PHKB: variants seen among roughly 807,000 people sequenced by gnomAD.
The protein encoded by PHKB is phosphorylase b kinase regulatory subunit beta.
A neutral mutation model predicts 152.1 loss-of-function variants in PHKB; 122 were observed. That is an observed-to-expected ratio of 0.80 (90% CI 0.69 to 0.93). The LOEUF (loss-of-function observed/expected upper bound fraction) is 0.93, where lower values mean the gene tolerates loss of function less well. Ranked by LOEUF, PHKB falls within the 40% of genes least tolerant of loss-of-function variation. The pLI is 0.00. For synonymous variants in PHKB, 436 were observed against 464.9 expected (o/e 0.94, Z 0.80); for missense variants, 1,304 against 1,328.4 (o/e 0.98, Z 0.29).
At chr16:47,508,523 GAGA>G (rs1970457740) in intron 4 of PHKB, among the ~76,000 whole-genome samples, 1 of 151,980 alleles carries the variant, frequency 6.6e-6, no homozygotes, top group South Asian at 2.1e-4. Flanking sequence ...ATTCCCTTAT[GAGA>G]AGATTTTTTT....
intron 1 of PHKB, among the ~76,000 whole-genome samples, chr16:47,487,292 C>G (rs1290977340): frequency 1.3e-5 from 2 of 152,108 alleles, no homozygotes; most frequent in Admixed American, 6.5e-5. Flanking sequence ...CCATAAAGCT[C>G]TATTATCTAA....
At chr16:47,577,676 T>G (rs1483367793) in intron 7 of PHKB, among the ~76,000 whole-genome samples, 1 of 152,176 alleles carries the variant, frequency 6.6e-6, no homozygotes, top group Non-Finnish European at 1.5e-5. Flanking sequence ...CTGGAAACTC[T>G]TGTGCCACAT....
intron 4 of PHKB, among the ~76,000 whole-genome samples, chr16:47,504,225 T>C (rs1970372696): frequency 6.6e-6 from 1 of 152,206 alleles, no homozygotes; most frequent in Non-Finnish European, 1.5e-5. Flanking sequence ...CAGATGCACT[T>C]CATTCCCCCA....
At chr16:47,472,643 C>T (rs1460803122) in intron 1 of PHKB, among the ~76,000 whole-genome samples, 1 of 152,010 alleles carries the variant, frequency 6.6e-6, no homozygotes, top group Non-Finnish European at 1.5e-5. Flanking sequence ...GTTAGCGAGG[C>T]GTGGTGGTGG....
intron 1 of PHKB, among the ~76,000 whole-genome samples, chr16:47,487,603 A>G (rs2151636859): frequency 6.6e-6 from 1 of 152,028 alleles, no homozygotes; most frequent in African/African-American, 2.4e-5. Flanking sequence ...CTACCCTTCC[A>G]CCCTCAAAGA....
At chr16:47,598,712 T>A (rs1194550878) in intron 13 of PHKB, 34 of 1,568,510 alleles carry the variant, frequency 2.2e-5, no homozygotes, top group Non-Finnish European at 2.8e-5. Context: ...GCCCATGGTT[T>A]CCACTCCCTC....
intron 7 of PHKB, among the ~76,000 whole-genome samples, chr16:47,555,935 T>C (rs1242607991): frequency 1.3e-5 from 2 of 152,204 alleles, no homozygotes; most frequent in Non-Finnish European, 2.9e-5. Context: ...TTTCTTTGTA[T>C]CCTCTTTTAT....
At chr16:47,556,071 TTGTC>T (rs1472567527) in intron 7 of PHKB, among the ~76,000 whole-genome samples, 1 of 152,130 alleles carries the variant, frequency 6.6e-6, no homozygotes, top group African/African-American at 2.4e-5. Context: ...ATTTGGCTGT[TTGTC>T]TGTTATTGGT....
chr16:47,543,284 GT>G (rs1321989958), intron 6 of PHKB, among the ~76,000 whole-genome samples: 2 of 152,172 alleles, frequency 1.3e-5, no homozygotes, highest in African/African-American at 4.8e-5. Flanking sequence ...CTTTGGTTCT[GT>G]TTATGTGATG....
At chr16:47,686,096 A>G (rs149847133) in intron 26 of PHKB, among the ~76,000 whole-genome samples, 49 of 152,322 alleles carry the variant, frequency 3.2e-4, no homozygotes, top group Admixed American at 1.2e-3. Context: ...GAATGAGTGA[A>G]AAACCTGCTT....
intron 14 of PHKB, among the ~76,000 whole-genome samples, chr16:47,611,544 A>C (rs1402830165): frequency 6.6e-6 from 1 of 152,160 alleles, no homozygotes; most frequent in African/African-American, 2.4e-5. Context: ...ATGAACCTGC[A>C]TGTGTGCCTG....
intron 6 of PHKB, among the ~76,000 whole-genome samples, chr16:47,546,814 A>AC (rs1971176347): frequency 6.8e-6 from 1 of 147,386 alleles, no homozygotes; most frequent in African/African-American, 2.5e-5. Context: ...ACAATGGTGG[A>AC]CCCCCCTCCC....
At chr16:47,592,986 A>G (rs1296055751) in intron 10 of PHKB, among the ~76,000 whole-genome samples, 1 of 151,944 alleles carries the variant, frequency 6.6e-6, no homozygotes, top group African/African-American at 2.4e-5. Context: ...TCATGCCTGT[A>G]ATGTCTGTAA....
At chr16:47,540,732 A>G (rs553786387) in intron 6 of PHKB, among the ~76,000 whole-genome samples, 1 of 151,770 alleles carries the variant, frequency 6.6e-6, no homozygotes, top group South Asian at 2.1e-4. Flanking sequence ...GTATTTCAGT[A>G]TATTAAAAAT....
chr16:47,625,879 C>T (rs1211755198), intron 14 of PHKB, among the ~76,000 whole-genome samples: 2 of 152,160 alleles, frequency 1.3e-5, no homozygotes, highest in Non-Finnish European at 2.9e-5. Context: ...AAGTCCTTGT[C>T]AATTCCCTGA....
At position 47,499,847 on chromosome 16, in the gene PHKB, C is replaced by T. The variant is rs147357783; in HGVS notation, c.258C>T (p.Asp86=). 4.0e-5 allele frequency: 64 copies of T among 1,614,052 alleles called. No individual in the cohort carries two copies. Among genetic ancestry groups the T allele is most frequent in the Middle Eastern group, 1.6e-4 (1 of 6,082 alleles). The change falls in exon 3 of 31, where the codon GAC becomes GAT. Residue 86 remains aspartate (D), a synonymous_variant. Coordinates refer to ENST00000323584, the MANE Select transcript of PHKB (RefSeq NM_000293.3). The stretch of plus-strand genomic sequence containing the variant: ...GTGACCAGAAGGCCAAGATCCAGGA[C>T]AGCCTATACTGCGCTGCTGGGGCCT... ...CGGDQKAKIQ[D]SLYCAAGAWA...
chr16:47,491,796 C>T (rs1043040453), intron 1 of PHKB, among the ~76,000 whole-genome samples: 1 of 152,190 alleles, frequency 6.6e-6, no homozygotes, highest in Non-Finnish European at 1.5e-5. Context: ...ACTTCCAGTT[C>T]CTGGGGTTTC....
chr16:47,642,561 T>G (rs1973043759), intron 16 of PHKB, among the ~76,000 whole-genome samples: 1 of 152,190 alleles, frequency 6.6e-6, no homozygotes, highest in African/African-American at 2.4e-5. Context: ...GTATCTCAAG[T>G]GGACATGATT....
At chr16:47,638,436 C>A (rs1415205156) in intron 14 of PHKB, among the ~76,000 whole-genome samples, 3 of 152,176 alleles carry the variant, frequency 2.0e-5, no homozygotes, top group African/African-American at 7.2e-5. Context: ...GCACTTTGTT[C>A]TCTCCCTAAG....
Sources: gnomAD v4.1 joint callset for allele counts (sites outside exome capture counted in the v4.1 genomes callset) on GRCh38, gnomAD v4.1.1 for gene constraint, MANE v1.5 for transcripts, NCBI Gene and HGNC (gene_info 2026-07-23, HGNC 2026-07-21) for gene names.